DPYD: variants seen among roughly 807,000 people sequenced by gnomAD.
The protein encoded by DPYD is dihydropyrimidine dehydrogenase.
Under a neutral mutation model 116.2 loss-of-function variants are expected in DPYD, and 109 were observed. The observed-to-expected ratio is 0.94, with a 90% CI of 0.80 to 1.10. The LOEUF is 1.10. DPYD is among the 50% of genes least tolerant of loss of function. The probability of loss-of-function intolerance (pLI) is 0.00; values close to 1 mark genes in which losing one functional copy is unlikely to be tolerated. For synonymous variants in DPYD, 440 were observed against 432.0 expected (o/e 1.02, Z -0.23); for missense variants, 1,302 against 1,254.5 (o/e 1.04, Z -0.57).
At chr1:97,682,424 T>C (rs1660474758) in intron 7 of DPYD, among the ~76,000 whole-genome samples, 1 of 151,936 alleles carries the variant, frequency 6.6e-6, no homozygotes, top group Non-Finnish European at 1.5e-5. Context: ...TCCTTCCTTT[T>C]TGTGAATGGG....
chr1:97,384,502 G>C (rs1672198137), intron 14 of DPYD, among the ~76,000 whole-genome samples: 1 of 152,026 alleles, frequency 6.6e-6, no homozygotes, highest in African/African-American at 2.4e-5. Context: ...AAATGAATGA[G>C]GTCACCAGAG....
chr1:97,920,118 A>G (rs1674431342), intron 1 of DPYD, among the ~76,000 whole-genome samples: 1 of 152,232 alleles, frequency 6.6e-6, no homozygotes, highest in African/African-American at 2.4e-5. Flanking sequence ...TAGGTTTAGT[A>G]TGTGTAAAAT....
intron 18 of DPYD, among the ~76,000 whole-genome samples, chr1:97,263,403 A>T (rs1664020207): frequency 6.6e-6 from 1 of 152,120 alleles, no homozygotes; most frequent in Non-Finnish European, 1.5e-5. Context: ...TTGGAAAAAA[A>T]TGTTAATCTT....
chr1:97,206,675 T>TAC (rs1659645156), intron 19 of DPYD, among the ~76,000 whole-genome samples: 2 of 86,158 alleles, frequency 2.3e-5, no homozygotes, highest in African/African-American at 1.1e-4. Context: ...TATATATATA[T>TAC]ATATATATAT....
intron 8 of DPYD, among the ~76,000 whole-genome samples, chr1:97,633,674 C>A (rs1657402682): frequency 6.6e-6 from 1 of 151,966 alleles, no homozygotes; most frequent in South Asian, 2.1e-4. Flanking sequence ...GAGAAAAGGT[C>A]TAAAATTTTT....
chr1:97,440,840 C>T (rs1328616093), intron 14 of DPYD, among the ~76,000 whole-genome samples: 6 of 152,158 alleles, frequency 3.9e-5, no homozygotes, highest in Admixed American at 3.9e-4. Flanking sequence ...GACCTGGCAT[C>T]ATATTCCATC....
chr1:97,143,584 A>T (rs1411474127), intron 20 of DPYD, among the ~76,000 whole-genome samples: 2 of 152,086 alleles, frequency 1.3e-5, no homozygotes, highest in East Asian at 3.9e-4. Context: ...CTCAGTGTCA[A>T]CCTCTATAAA....
chr1:97,305,497 C>A lies in DPYD; in HGVS notation c.2180-119G>T. On this transcript the variant is annotated intron_variant, in intron 17 of 22. Transcript: ENST00000370192. ...ATTTTATCTTGAGAACATGTCTTCT[C>A]CTCAAAGTTCTTCACTAATTTAACT... The A allele has an allele frequency of 2.2e-6, 3 of 1,368,410 alleles. No homozygotes were observed. In the South Asian group the frequency reaches 3.5e-5, roughly 16 times the overall value. 84.8% of individuals were successfully genotyped at this position (1,368,410 alleles called of 1,614,324 possible). A position where few individuals can be genotyped will look rare whatever the true frequency, so the allele number is the denominator to read the frequency against.
intron 13 of DPYD, among the ~76,000 whole-genome samples, chr1:97,459,325 A>G (rs956670989): frequency 6.6e-6 from 1 of 152,142 alleles, no homozygotes; most frequent in Non-Finnish European, 1.5e-5. Flanking sequence ...GAAAAATCAA[A>G]TTGCAGTTCA....
intron 14 of DPYD, among the ~76,000 whole-genome samples, chr1:97,400,751 T>C (rs1454571414): frequency 2.0e-5 from 3 of 152,206 alleles, no homozygotes; most frequent in Non-Finnish European, 4.4e-5. Context: ...GTGTTTATAG[T>C]ATTCTCTGAT....
At chr1:97,335,006 A>C (rs1669211887) in intron 16 of DPYD, among the ~76,000 whole-genome samples, 1 of 152,138 alleles carries the variant, frequency 6.6e-6, no homozygotes, top group Admixed American at 6.6e-5. Context: ...ACAGACCCAA[A>C]GAGTAGGTTT....
chr1:97,095,320 A>AT (rs908897615), intron 21 of DPYD, among the ~76,000 whole-genome samples: 14 of 152,112 alleles, frequency 9.2e-5, no homozygotes, highest in African/African-American at 3.1e-4. Flanking sequence ...TTTATGGTAC[A>AT]TTTTTGTCAC....
At chr1:97,585,824 T>G (rs1557818072) in intron 10 of DPYD, 1 of 152,278 alleles carries the variant, frequency 6.6e-6, no homozygotes, top group East Asian at 1.9e-4. Context: ...AGCATACAGA[T>G]CTCTTCCCAC....
intron 1 of DPYD, among the ~76,000 whole-genome samples, chr1:97,912,488 A>G (rs1028968085): frequency 6.6e-6 from 1 of 152,120 alleles, no homozygotes; most frequent in Non-Finnish European, 1.5e-5. Context: ...TATATGACTA[A>G]AAGTATTTAG....
At chr1:97,402,476 C>A (rs1338740027) in intron 14 of DPYD, among the ~76,000 whole-genome samples, 1 of 151,992 alleles carries the variant, frequency 6.6e-6, no homozygotes, top group Non-Finnish European at 1.5e-5. Flanking sequence ...TTAATCTTGC[C>A]ACATTGCTAT....
chr1:97,793,594 G>A (rs1047551402), intron 3 of DPYD, among the ~76,000 whole-genome samples: 1 of 152,040 alleles, frequency 6.6e-6, no homozygotes, highest in Admixed American at 6.5e-5. Context: ...TCAATTCCGT[G>A]GAGAAATGAG....
intron 16 of DPYD, among the ~76,000 whole-genome samples, chr1:97,359,345 A>G (rs1319409291): frequency 6.6e-6 from 1 of 152,222 alleles, no homozygotes; most frequent in Non-Finnish European, 1.5e-5. Context: ...GGTGTACCTG[A>G]AAGTGATGGG....
intron 3 of DPYD, among the ~76,000 whole-genome samples, chr1:97,819,719 G>A (rs1181131205): frequency 6.6e-6 from 1 of 151,674 alleles, no homozygotes; most frequent in South Asian, 2.1e-4. Context: ...AGCATGCCTT[G>A]TCCTTCCACT....
intron 7 of DPYD, among the ~76,000 whole-genome samples, chr1:97,688,806 A>G (rs2100942486): frequency 6.6e-6 from 1 of 152,140 alleles, no homozygotes; most frequent in Non-Finnish European, 1.5e-5. Context: ...TTTTAAAAAT[A>G]CTAACCAATT....
Sources: gnomAD v4.1 joint callset for allele counts (sites outside exome capture counted in the v4.1 genomes callset) on GRCh38, gnomAD v4.1.1 for gene constraint, MANE v1.5 for transcripts, NCBI Gene and HGNC (gene_info 2026-07-23, HGNC 2026-07-21) for gene names.